The following TENM3 variants were observed in gnomAD, a reference collection of about 807,000 sequenced individuals.
TENM3 encodes the protein teneurin transmembrane protein 3, also known as teneurin-3.
TENM3 carries 63 observed loss-of-function variants against 255.1 expected under a neutral mutation model. The ratio of observed to expected loss-of-function variants is 0.25; its 90% confidence interval spans 0.20 to 0.30. The LOEUF (loss-of-function observed/expected upper bound fraction) is 0.30. TENM3 is among the 10% of genes least tolerant of loss of function. TENM3 has a pLI of 1.00. For missense variants in TENM3, 2,929 were observed against 3,461.1 expected (o/e 0.85, Z 3.86); for synonymous variants, 1,306 against 1,322.3 (o/e 0.99, Z 0.27).
chr4:181,692,903 A>G, the TENM3 span, among the ~76,000 whole-genome samples: 2 of 152,292 alleles, frequency 1.3e-5, no homozygotes, highest in African/African-American at 4.8e-5. Flanking sequence ...TGCCTTTGCC[A>G]CAGAAGCTGG....
At chr4:182,672,547 G>A (rs150345739) in intron 6 of TENM3, among the ~76,000 whole-genome samples, 117 of 152,300 alleles carry the variant, frequency 7.7e-4, no homozygotes, top group African/African-American at 2.6e-3. Flanking sequence ...CGAGCCATCA[G>A]TTGGTTTTAT....
intron 3 of TENM3, among the ~76,000 whole-genome samples, chr4:182,388,397 A>G (rs1768156595): frequency 1.3e-5 from 2 of 152,208 alleles, no homozygotes; most frequent in Admixed American, 1.3e-4. Flanking sequence ...CACTTCTTCA[A>G]CAGTTTCTAC....
At chr4:181,858,314 G>A in the TENM3 span, among the ~76,000 whole-genome samples, 2 of 152,162 alleles carry the variant, frequency 1.3e-5, no homozygotes, top group African/African-American at 4.8e-5. Context: ...TTCATTCCTT[G>A]CCTTGCTCTT....
the TENM3 span, among the ~76,000 whole-genome samples, chr4:182,006,092 C>A: frequency 6.6e-6 from 1 of 152,132 alleles, no homozygotes; most frequent in African/African-American, 2.4e-5. Context: ...GCCAGTACTT[C>A]CAAGACTATG....
chr4:181,884,475 A>G, the TENM3 span, among the ~76,000 whole-genome samples: 4 of 152,134 alleles, frequency 2.6e-5, no homozygotes, highest in East Asian at 7.7e-4. Context: ...CACTGTCCGC[A>G]GTCCCAAGTA....
the TENM3 span, among the ~76,000 whole-genome samples, chr4:181,802,168 G>A: frequency 2.6e-5 from 4 of 152,138 alleles, no homozygotes; most frequent in Non-Finnish European, 5.9e-5. Context: ...TTCATCCCAC[G>A]ATTTCACTGT....
chr4:182,361,152 A>C lies in TENM3; in HGVS notation c.511+14223A>C, dbSNP rs577107189. The stretch of plus-strand genomic sequence containing the variant: ...CGACCTTTCTCTCTGGCTGCCCTTA[A>C]CATTTTTTCCTTCATTTCAACTTTG... On this transcript the variant is annotated intron_variant, in intron 3 of 27. Coordinates refer to ENST00000511685, the MANE Select transcript of TENM3 (RefSeq NM_001080477.4). Among the ~76,000 whole-genome samples, 346 of 152,068 alleles carry C rather than the reference A, an allele frequency of 2.3e-3. 1 individual carries two copies. Among genetic ancestry groups the C allele is most frequent in the Middle Eastern group, 6.8e-3 (2 of 294 alleles).
At chr4:182,685,974 A>G (rs1756539597) in intron 11 of TENM3, among the ~76,000 whole-genome samples, 2 of 152,064 alleles carry the variant, frequency 1.3e-5, no homozygotes, top group South Asian at 4.2e-4. Flanking sequence ...ATTGGCTGCC[A>G]AAAATCACAC....
chr4:181,820,373 A>G, the TENM3 span: 2 of 151,854 alleles, frequency 1.3e-5, no homozygotes, highest in Non-Finnish European at 2.9e-5. Flanking sequence ...AATTTGGGCT[A>G]TTTTTATTTC....
the TENM3 span, among the ~76,000 whole-genome samples, chr4:181,999,154 T>C: frequency 1.3e-5 from 2 of 152,164 alleles, no homozygotes; most frequent in African/African-American, 2.4e-5. Context: ...CCAGCAACCT[T>C]GTCTCTCATC....
chr4:181,774,026 T>A, the TENM3 span, among the ~76,000 whole-genome samples: 272 of 136,132 alleles, frequency 2.0e-3, 10 homozygotes, highest in African/African-American at 7.7e-3. Flanking sequence ...TTTTTTTTTT[T>A]TTATTATACT....
intron 5 of TENM3, among the ~76,000 whole-genome samples, chr4:182,634,812 G>A (rs190560340): frequency 9.2e-5 from 14 of 151,614 alleles, no homozygotes; most frequent in Non-Finnish European, 1.9e-4. Flanking sequence ...ACCGTTACAC[G>A]ATGGGTAGGA....
chr4:182,207,881 C>A (rs1246844351), intron 1 of TENM3, among the ~76,000 whole-genome samples: 4 of 152,190 alleles, frequency 2.6e-5, no homozygotes, highest in Admixed American at 2.6e-4. Context: ...GGCATCACAG[C>A]TGTGCTTAAA....
At chr4:182,477,813 A>G (rs149862116) in intron 3 of TENM3, among the ~76,000 whole-genome samples, 4,882 of 152,294 alleles carry the variant, frequency 0.032, 134 homozygotes, top group East Asian at 0.071. Context: ...AAATAAAATC[A>G]TACTTTATGT....
rs1481151531 is a variant in TENM3 at position 182,799,238 on chromosome 4, G to A, written c.7345-358G>A. Among the ~76,000 whole-genome samples the A allele has an allele frequency of 6.6e-6, 1 of 152,236 alleles. No homozygotes were observed. The highest frequency in any genetic ancestry group is 1.9e-4 in the East Asian group (1 of 5,198). On this transcript the variant is annotated intron_variant, in intron 27 of 27. Transcript: ENST00000511685. The surrounding 1 kb of genome is among the most constrained non-coding windows in gnomAD (Gnocchi z 4.2). ...CTCAGCCTCCTGTGGAGAAAGCTAC[G>A]AGCATGCAGATCCGGATGAGCTGGG...
At chr4:182,647,093 C>G (rs926190683) in intron 5 of TENM3, among the ~76,000 whole-genome samples, 1 of 152,176 alleles carries the variant, frequency 6.6e-6, no homozygotes, top group Non-Finnish European at 1.5e-5. Flanking sequence ...AGTGTACAGT[C>G]AGATACAGTA....
At chr4:182,081,701 T>C in the TENM3 span, 1 of 152,134 alleles carries the variant, frequency 6.6e-6, no homozygotes, top group Non-Finnish European at 1.5e-5. Flanking sequence ...AGAAAACCAT[T>C]AGCCAGAGGG....
intron 1 of TENM3, among the ~76,000 whole-genome samples, chr4:182,291,866 C>T (rs17072992): frequency 0.26 from 39,745 of 151,912 alleles, 6,398 homozygotes; most frequent in South Asian, 0.4. Flanking sequence ...GTCTTAAACT[C>T]AGCTGTGTGT....
chr4:181,616,281 CAAAAA>C, the TENM3 span, among the ~76,000 whole-genome samples: 115 of 84,074 alleles, frequency 1.4e-3, no homozygotes, highest in African/African-American at 4.8e-3. Flanking sequence ...TAAAGGTTTC[CAAAAA>C]AAAAAAAAAA....
Sources: gnomAD v4.1 joint callset for allele counts (sites outside exome capture counted in the v4.1 genomes callset) on GRCh38, gnomAD v4.1.1 for gene constraint, Gnocchi (gnomAD v3.1) non-coding constraint, MANE v1.5 for transcripts, NCBI Gene and HGNC (gene_info 2026-07-23, HGNC 2026-07-21) for gene names.